Variants in ZFAND3 observed in about 807,000 individuals in gnomAD.
ZFAND3 encodes the protein zinc finger AN1-type containing 3, also known as AN1-type zinc finger protein 3.
ZFAND3 carries 10 observed loss-of-function variants against 29.6 expected under a neutral mutation model. The ratio of observed to expected loss-of-function variants is 0.34; its 90% confidence interval spans 0.21 to 0.57. The LOEUF is 0.57. Among genes scored for constraint, ZFAND3 ranks in the 20% least tolerant of loss-of-function variants. The probability of loss-of-function intolerance (pLI) is 0.86; values close to 1 mark genes in which losing one functional copy is unlikely to be tolerated. For synonymous variants in ZFAND3, 128 were observed against 112.6 expected, an observed-to-expected ratio of 1.14 and a Z score of -0.87; for missense variants, 230 against 304.5, an observed-to-expected ratio of 0.76 and a Z score of 1.82.
chr6:38,125,279 T>C (rs1765613896), intron 5 of ZFAND3, among the ~76,000 whole-genome samples: 1 of 152,196 alleles, frequency 6.6e-6, no homozygotes, highest in Non-Finnish European at 1.5e-5. Flanking sequence ...CCTCTGCTGC[T>C]CCTCTGTAAA....
At chr6:37,962,795 C>CT (rs1762221310) in intron 2 of ZFAND3, among the ~76,000 whole-genome samples, 1 of 152,202 alleles carries the variant, frequency 6.6e-6, no homozygotes, top group South Asian at 2.1e-4. Context: ...GCTGTGGAAG[C>CT]TTTGTTCTTT....
At chr6:37,896,260 G>A (rs778670639) in intron 1 of ZFAND3, among the ~76,000 whole-genome samples, 6 of 151,802 alleles carry the variant, frequency 4.0e-5, no homozygotes, top group Non-Finnish European at 5.9e-5. Flanking sequence ...ACAAAAAACC[G>A]TGGATGAATA....
intron 2 of ZFAND3, among the ~76,000 whole-genome samples, chr6:37,934,519 T>A (rs1761658769): frequency 7.2e-6 from 1 of 138,666 alleles, no homozygotes; most frequent in East Asian, 2.0e-4. Flanking sequence ...CTGAGGTCAT[T>A]TAGTCTATTT....
chr6:38,123,607 G>A (rs1765574930), intron 5 of ZFAND3, among the ~76,000 whole-genome samples: 1 of 152,156 alleles, frequency 6.6e-6, no homozygotes. Context: ...GAGAGTCCAT[G>A]CTCTACTATG....
chr6:38,042,406 C>T (rs1409918977), intron 2 of ZFAND3, among the ~76,000 whole-genome samples: 3 of 151,312 alleles, frequency 2.0e-5, no homozygotes, highest in African/African-American at 4.9e-5. Context: ...CTCCACCTCC[C>T]GGGTTCAAGC....
chr6:37,922,452 GAT>G (rs1330727811), intron 1 of ZFAND3, among the ~76,000 whole-genome samples: 1 of 152,158 alleles, frequency 6.6e-6, no homozygotes, highest in Non-Finnish European at 1.5e-5. Context: ...TTGAAAAAAT[GAT>G]ATCTGTAGAT....
At chr6:38,000,035 T>C (rs762580012) in intron 2 of ZFAND3, among the ~76,000 whole-genome samples, 1 of 152,054 alleles carries the variant, frequency 6.6e-6, no homozygotes, top group Admixed American at 6.5e-5. Flanking sequence ...AAAAAATAAA[T>C]AAAGCTTTTT....
chr6:37,879,883 C>T (rs188585058), intron 1 of ZFAND3, among the ~76,000 whole-genome samples: 89 of 152,216 alleles, frequency 5.8e-4, no homozygotes, highest in Non-Finnish European at 1.1e-3. Context: ...GAAGGGGCTG[C>T]GTTATAGACT....
chr6:38,059,364 A>G (rs1764192712), intron 2 of ZFAND3, among the ~76,000 whole-genome samples: 2 of 152,162 alleles, frequency 1.3e-5, no homozygotes, highest in African/African-American at 4.8e-5. Flanking sequence ...ATCTTTCTGT[A>G]GCTCACTTGC....
chr6:38,052,907 G>T (rs373098019), intron 2 of ZFAND3, among the ~76,000 whole-genome samples: 1 of 151,926 alleles, frequency 6.6e-6, no homozygotes, highest in African/African-American at 2.4e-5. Flanking sequence ...GGTGGTGCAC[G>T]CCTGCAATCC....
At chr6:38,123,780 G>A (rs562434738) in intron 5 of ZFAND3, among the ~76,000 whole-genome samples, 20 of 152,226 alleles carry the variant, frequency 1.3e-4, no homozygotes, top group African/African-American at 4.8e-4. Context: ...GATGTTCGGA[G>A]TTTCTTCCTT....
intron 2 of ZFAND3, among the ~76,000 whole-genome samples, chr6:38,014,875 T>C (rs961472496): frequency 6.6e-6 from 1 of 152,242 alleles, no homozygotes; most frequent in Non-Finnish European, 1.5e-5. Flanking sequence ...TTCTTTCTGC[T>C]TCATTGGCAC....
intron 4 of ZFAND3, among the ~76,000 whole-genome samples, chr6:38,084,904 T>C (rs1348885863): frequency 1.3e-5 from 2 of 152,248 alleles, no homozygotes; most frequent in Non-Finnish European, 1.5e-5. Flanking sequence ...TCAAGAAGAC[T>C]GTTCTGTGCC....
At chr6:38,002,024 A>G (rs1242963147) in intron 2 of ZFAND3, among the ~76,000 whole-genome samples, 1 of 152,226 alleles carries the variant, frequency 6.6e-6, no homozygotes, top group Non-Finnish European at 1.5e-5. Flanking sequence ...AATACAGTCA[A>G]GTGTGAACAT....
chr6:38,098,983 A>G (rs59219746), intron 4 of ZFAND3, among the ~76,000 whole-genome samples: 2 of 152,150 alleles, frequency 1.3e-5, no homozygotes, highest in African/African-American at 2.4e-5. Flanking sequence ...TGGAAGTTAA[A>G]TATTTCCGTA....
At chr6:37,831,621 A>C (rs534014528) in intron 1 of ZFAND3, among the ~76,000 whole-genome samples, 16 of 152,234 alleles carry the variant, frequency 1.1e-4, no homozygotes, top group Admixed American at 4.6e-4. Flanking sequence ...GAGGGCGGCC[A>C]GGAGAGCTTC....
At chr6:38,013,895 A>G (rs2127444897) in intron 2 of ZFAND3, among the ~76,000 whole-genome samples, 1 of 152,324 alleles carries the variant, frequency 6.6e-6, no homozygotes, top group East Asian at 1.9e-4. Context: ...TCTATACTGC[A>G]TGGGTACTAA....
At chr6:38,025,363 T>C (rs866187282) in intron 2 of ZFAND3, among the ~76,000 whole-genome samples, 10 of 152,304 alleles carry the variant, frequency 6.6e-5, no homozygotes, top group Admixed American at 2.0e-4. Context: ...TTATCCCCCC[T>C]TTTTTAGGAG....
intron 4 of ZFAND3, among the ~76,000 whole-genome samples, chr6:38,106,158 T>TC (rs912154125): frequency 2.0e-5 from 3 of 151,992 alleles, no homozygotes; most frequent in African/African-American, 7.2e-5. Flanking sequence ...GACATTCTTT[T>TC]TTTTTTTTTG....
Sources: allele counts gnomAD v4.1 joint callset (sites outside exome capture counted in the v4.1 genomes callset), GRCh38; gene constraint gnomAD v4.1.1; transcripts MANE v1.5; gene names NCBI Gene and HGNC (gene_info 2026-07-23, HGNC 2026-07-21).